The following MEAK7 variants were observed in gnomAD, a reference collection of about 807,000 sequenced individuals.
MEAK7 encodes the protein MTOR-associated protein MEAK7.
In MEAK7, 68 loss-of-function variants were observed where a neutral mutation model predicts 40.5. The observed-to-expected ratio is 1.68, with a 90% CI of 1.38 to 2.06. The LOEUF (loss-of-function observed/expected upper bound fraction) is 2.06, where lower values mean the gene tolerates loss of function less well. Among genes scored for constraint, MEAK7 ranks in the 30% most tolerant of loss-of-function variants. MEAK7 has a pLI of 0.00. For missense variants in MEAK7, 918 were observed against 580.5 expected (o/e 1.58, Z -5.98); for synonymous variants, 338 against 231.9 (o/e 1.46, Z -4.16).
In MEAK7 at chr16:84,497,460, T is replaced by C. The variant is rs532181520; in HGVS notation, c.153+474A>G. On this transcript the variant is annotated intron_variant, in intron 2 of 7. Transcript: ENST00000343629. ...GGTGCACCTGACACGTCATGGTTCC[T>C]GGACCGACGAGTCCAGGAGGGCAGA... The C allele has an allele frequency of 1.3e-3, 1,636 of 1,289,854 alleles. 1 individual carries two copies. Among genetic ancestry groups the C allele is most frequent in the Non-Finnish European group, 1.5e-3 (1,531 of 989,294 alleles). The allele number at this position is 1,289,854 out of a possible 1,614,324, so 79.9% of individuals were successfully genotyped here. A position where few individuals can be genotyped will look rare whatever the true frequency, so the allele number is the denominator to read the frequency against.
rs1177739008 is a variant in MEAK7 at position 84,479,726 on chromosome 16, G to A, written c.*187C>T. Reference sequence around the variant, plus strand: ...AAAACTTAAAAAACATCTATTTCTGGGAGATCCACCCATGAGTCAGGACAT... The same window carrying A: ...AAAACTTAAAAAACATCTATTTCTGAGAGATCCACCCATGAGTCAGGACAT... On this transcript the variant is annotated 3_prime_UTR_variant, in exon 8 of 8. Transcript: ENST00000343629. 4.8e-6 allele frequency: 2 copies of A among 418,684 alleles called. No homozygotes were observed. The highest frequency in any genetic ancestry group is 8.6e-6 in the Non-Finnish European group (2 of 232,058). 25.9% of individuals were successfully genotyped at this position (418,684 alleles called of 1,614,324 possible).
At chr16:84,494,996 T>G (rs1216589191) in intron 3 of MEAK7, among the ~76,000 whole-genome samples, 1 of 152,228 alleles carries the variant, frequency 6.6e-6, no homozygotes, top group Non-Finnish European at 1.5e-5. Context: ...CTGGCCAGCG[T>G]GGTGGCTCAT....
Position 84,482,663 on chromosome 16 carries a change from A to G in MEAK7, c.1006T>C (p.Tyr336His), listed in dbSNP as rs771557516. The G allele has an allele frequency of 3.7e-6, 6 of 1,614,218 alleles. No individual in the cohort carries two copies. Among genetic ancestry groups the G allele is most frequent in the Non-Finnish European group, 4.2e-6 (5 of 1,180,036 alleles). ...LFSICPSMAVYTHTGYNDHYM... is the reference protein window; with the variant it reads ...LFSICPSMAVHTHTGYNDHYM... ...TGGTCGTTGTAGCCCGTGTGTGTGT[A>G]CACAGCCATGCTGGGGCAGATGGAG... is the stretch of plus-strand genomic sequence containing the variant. The change falls in exon 6 of 8, where the codon TAC (tyrosine) becomes CAC (histidine). Residue 336 changes from tyrosine (Y) to histidine (H), a missense_variant. By Grantham distance (83) the Tyr-to-His change is moderately conservative. Transcript: ENST00000343629.
rs921281684 is a variant in MEAK7, at chr16:84,480,779, G to A, written c.1078-71C>T. ...GGTCTGTGGACATCAAATACCACAA[G>A]CCAGCCTCTCGCCTTAAGTACCAGC... On this transcript the variant is annotated intron_variant, in intron 6 of 7. Transcript: ENST00000343629. The A allele has an allele frequency of 2.4e-5, 36 of 1,491,124 alleles. No homozygotes were observed. The African/African-American group carries it at 3.5e-4, about 15-fold the overall frequency. The allele number at this position is 1,491,124 out of a possible 1,614,324, so 92.4% of individuals were successfully genotyped here.
chr16:84,496,812 G>A (rs1914089294), intron 2 of MEAK7, among the ~76,000 whole-genome samples: 1 of 152,014 alleles, frequency 6.6e-6, no homozygotes, highest in Admixed American at 6.6e-5. Flanking sequence ...TGTCATTCCT[G>A]CCTCTGGCCA....
At chr16:84,502,727 CG>C (rs1331942513) in intron 1 of MEAK7, 2 of 152,172 alleles carry the variant, frequency 1.3e-5, no homozygotes, top group Non-Finnish European at 2.9e-5. Flanking sequence ...AAACCTCAGC[CG>C]GGTGTGGTGG....
At chr16:84,480,102 G>A in intron 7 of MEAK7, 76 bp from the exon 8 acceptor site, 1 of 1,207,428 alleles carries the variant, frequency 8.3e-7, no homozygotes, top group South Asian at 1.6e-5. Context: ...TAGTTTTCCA[G>A]CCTTCTTGGG....
intron 1 of MEAK7, chr16:84,504,033 G>C (rs1914700893): frequency 2.0e-6 from 2 of 985,546 alleles, no homozygotes; most frequent in Non-Finnish European, 2.4e-6. Context: ...AGAGCCCAGA[G>C]GCCCTTGTGC....
chr16:84,492,138 G>C (rs1483698673), intron 3 of MEAK7, among the ~76,000 whole-genome samples: 1 of 152,156 alleles, frequency 6.6e-6, no homozygotes, highest in Non-Finnish European at 1.5e-5. Context: ...AGAGGTGGAT[G>C]TATGAGATTG....
chr16:84,481,232 C>A (rs1188472629), intron 6 of MEAK7, among the ~76,000 whole-genome samples: 1 of 152,228 alleles, frequency 6.6e-6, no homozygotes, highest in Non-Finnish European at 1.5e-5. Context: ...CCTGTGCCTT[C>A]CACCCTCAGT....
At chr16:84,501,696 C>G (rs1352485131) in intron 1 of MEAK7, among the ~76,000 whole-genome samples, 1 of 152,086 alleles carries the variant, frequency 6.6e-6, no homozygotes, top group Non-Finnish European at 1.5e-5. Flanking sequence ...AACCCCAGGG[C>G]TGGTGCCAGT....
At chr16:84,493,344 C>A (rs542112180) in intron 3 of MEAK7, among the ~76,000 whole-genome samples, 3 of 152,154 alleles carry the variant, frequency 2.0e-5, no homozygotes, top group Non-Finnish European at 4.4e-5. Context: ...TCTTAAATAT[C>A]GGTTCCGATA....
At position 84,476,807 on chromosome 16, in the gene MEAK7, C is replaced by A. The variant is rs561897312; in HGVS notation, c.*3106G>T. On this transcript the variant is annotated 3_prime_UTR_variant, in exon 8 of 8. Transcript: ENST00000343629. ...AGTGATTTTTGCATCAGTGCCTTTGCCTGTCAGGAGGGAAAATAGCTGGAG... is the reference window on the plus strand; with the variant it reads ...AGTGATTTTTGCATCAGTGCCTTTGACTGTCAGGAGGGAAAATAGCTGGAG... 6.6e-6 allele frequency: 1 copy of A among 152,272 alleles called. No homozygotes were observed. The highest frequency in any genetic ancestry group is 2.1e-4 in the South Asian group (1 of 4,826). 9.4% of individuals were successfully genotyped at this position (152,272 alleles called of 1,614,324 possible).
At chr16:84,501,988 T>C (rs961470765) in intron 1 of MEAK7, among the ~76,000 whole-genome samples, 1 of 151,980 alleles carries the variant, frequency 6.6e-6, no homozygotes, top group Non-Finnish European at 1.5e-5. Context: ...CTACTAAAAA[T>C]ACAAAATTAA....
chr16:84,503,197 C>G (rs1486733123), intron 1 of MEAK7, among the ~76,000 whole-genome samples: 3 of 49,504 alleles, frequency 6.1e-5, no homozygotes, highest in Non-Finnish European at 1.2e-4. Flanking sequence ...CATATATCTA[C>G]ATATATGGTA....
At chr16:84,504,026 G>A (rs1914700595) in intron 1 of MEAK7, 7 of 985,542 alleles carry the variant, frequency 7.1e-6, no homozygotes, top group Non-Finnish European at 8.4e-6. Context: ...GTGTCTCAGA[G>A]CCCAGAGGCC....
At chr16:84,489,752 T>G (rs1344112233) in intron 3 of MEAK7, among the ~76,000 whole-genome samples, 1 of 152,030 alleles carries the variant, frequency 6.6e-6, no homozygotes, top group South Asian at 2.1e-4. Context: ...AGCTACCCCC[T>G]CCAGAAAATC....
chr16:84,479,831 G>T lies in MEAK7; in HGVS notation c.*82C>A. On this transcript the variant is annotated 3_prime_UTR_variant, in exon 8 of 8. Coordinates refer to ENST00000343629, the MANE Select transcript of MEAK7 (RefSeq NM_020947.4). ...CGGTACGCTATTACAGTTAAACCAT[G>T]TGGGAGGGAAGAGGGGCTGCAGGCG... The T allele has an allele frequency of 9.3e-7, 1 of 1,069,854 alleles. No individual in the cohort carries two copies. Among genetic ancestry groups the T allele is most frequent in the Non-Finnish European group, 1.3e-6 (1 of 748,638 alleles). The allele number at this position is 1,069,854 out of a possible 1,614,324, so 66.3% of individuals were successfully genotyped here. A position where few individuals can be genotyped will look rare whatever the true frequency, so the allele number is the denominator to read the frequency against.
At chr16:84,482,000 G>T (rs1912597119) in intron 6 of MEAK7, among the ~76,000 whole-genome samples, 1 of 152,184 alleles carries the variant, frequency 6.6e-6, no homozygotes, top group Admixed American at 6.5e-5. Context: ...CAGGGGAGCT[G>T]GCAGGAGCAA....
Sources: gnomAD v4.1 joint callset for allele counts (sites outside exome capture counted in the v4.1 genomes callset) on GRCh38, gnomAD v4.1.1 for gene constraint, MANE v1.5 for transcripts, NCBI Gene and HGNC (gene_info 2026-07-23, HGNC 2026-07-21) for gene names.